KDM1B: variants seen among roughly 807,000 people sequenced by gnomAD.
KDM1B encodes the protein lysine demethylase 1B.
Under a neutral mutation model 107.4 loss-of-function variants are expected in KDM1B, and 63 were observed. The observed-to-expected ratio is 0.59, with a 90% CI of 0.48 to 0.72. The LOEUF is 0.72. Ranked by LOEUF, KDM1B falls within the 30% of genes least tolerant of loss-of-function variation. The pLI, the probability that KDM1B is intolerant of heterozygous loss-of-function variation, is 0.00. For synonymous variants in KDM1B, 363 were observed against 363.9 expected (o/e 1.00, Z 0.03); for missense variants, 749 against 1,020.8 (o/e 0.73, Z 3.63).
chr6:18,174,657 T>G (rs1383961733), intron 7 of KDM1B, among the ~76,000 whole-genome samples: 1 of 151,092 alleles, frequency 6.6e-6, no homozygotes, highest in Non-Finnish European at 1.5e-5. Context: ...GTGTCATTCA[T>G]ATGCCTTTGT....
chr6:18,158,381 A>G (rs1303819327), intron 2 of KDM1B, among the ~76,000 whole-genome samples: 2 of 150,680 alleles, frequency 1.3e-5, no homozygotes, highest in East Asian at 3.9e-4. Context: ...TGATGTTAGG[A>G]TGTGTCAAAG....
intron 5 of KDM1B, among the ~76,000 whole-genome samples, chr6:18,163,829 A>G (rs1000479805): frequency 7.2e-5 from 11 of 152,250 alleles, no homozygotes; most frequent in African/African-American, 2.4e-4. Flanking sequence ...AGTTTGCTTT[A>G]TGGCCCGTAA....
chr6:18,221,770 C>A (rs908570170), intron 21 of KDM1B, 139 bp from the exon 22 acceptor site: 2 of 679,876 alleles, frequency 2.9e-6, no homozygotes, highest in African/African-American at 3.6e-5. Flanking sequence ...TCCAGTGTTA[C>A]GATGGGTGAG....
intron 7 of KDM1B, among the ~76,000 whole-genome samples, chr6:18,179,836 ATTG>A (rs1786311149): frequency 1.2e-5 from 1 of 83,518 alleles, no homozygotes; most frequent in African/African-American, 4.9e-5. Context: ...TCAATTTAGC[ATTG>A]GTTTTTTTTC....
Position 18,213,842 on chromosome 6 carries a change from T to G in KDM1B, c.2109+61T>G. 3.8e-6 allele frequency: 6 copies of G among 1,577,474 alleles called. No individual in the cohort carries two copies. The highest frequency in any genetic ancestry group is 5.2e-6 in the Non-Finnish European group (6 of 1,147,820). On this transcript the variant is annotated intron_variant, in intron 19 of 21. Transcript: ENST00000650836. The surrounding 1 kb of genome is among the most constrained non-coding windows in gnomAD (Gnocchi z 5.9). ...TCTTAAAGTTTAGAATTTGATGTGATAATTACTCACCTATCAAGCTCAGGA... is the reference window on the plus strand; with the variant it reads ...TCTTAAAGTTTAGAATTTGATGTGAGAATTACTCACCTATCAAGCTCAGGA...
At position 18,214,295 on chromosome 6, in the gene KDM1B, C is replaced by T. The variant is rs776971220; in HGVS notation, c.2109+514C>T. ...AAGAATCATGGCTGTTTCTGACTTT[C>T]AGTTTCAAGAAACTTTGTCTTAAAA... On this transcript the variant is annotated intron_variant, in intron 19 of 21. Coordinates refer to ENST00000650836, the MANE Select transcript of KDM1B (RefSeq NM_001364614.2). This position sits in a 1 kb window ranked among gnomAD's most constrained non-coding sequence, Gnocchi z 4.4. Among the ~76,000 whole-genome samples, 2 of 152,204 alleles carry T rather than the reference C, an allele frequency of 1.3e-5. No individual in the cohort carries two copies. Among genetic ancestry groups the T allele is most frequent in the African/African-American group, 4.8e-5 (2 of 41,456 alleles).
chr6:18,208,599 G>GTGTGTGTGTATATATATATA (rs1561949321), intron 17 of KDM1B, among the ~76,000 whole-genome samples: 1 of 40,690 alleles, frequency 2.5e-5, no homozygotes, highest in Non-Finnish European at 4.2e-5. Flanking sequence ...AGAAGTATGT[G>GTGTGTGTGTATATATATATA]TATGTATATA....
rs149770567 is a variant in KDM1B at position 18,177,232 on chromosome 6, G to C, written c.534+5753G>C. Among the ~76,000 whole-genome samples the C allele has an allele frequency of 6.2e-3, 943 of 152,210 alleles. 7 individuals are homozygous for C. Among genetic ancestry groups the C allele is most frequent in the African/African-American group, 0.022 (914 of 41,546 alleles). On this transcript the variant is annotated intron_variant, in intron 7 of 21. Transcript: ENST00000650836. ...TCCAGGAATTTGTCCATGTCTTCTA[G>C]GTTTTCTAGATTATGTGCGTAAAAG...
Position 18,172,953 on chromosome 6 carries a change from G to C in KDM1B, c.534+1474G>C, listed in dbSNP as rs919135018. Among the ~76,000 whole-genome samples, 1 of 151,976 alleles carries C rather than the reference G, an allele frequency of 6.6e-6. No individual in the cohort carries two copies. Among genetic ancestry groups the C allele is most frequent in the African/African-American group, 2.4e-5 (1 of 41,362 alleles). On this transcript the variant is annotated intron_variant, in intron 7 of 21. Coordinates refer to ENST00000650836, the MANE Select transcript of KDM1B (RefSeq NM_001364614.2). This position sits in a 1 kb window ranked among gnomAD's most constrained non-coding sequence, Gnocchi z 5.2. ...AAAAATATAAAAATTAGCCCAGTGT[G>C]GTGGCATGTGCTTGTAATCTCAGCT...
intron 6 of KDM1B, among the ~76,000 whole-genome samples, chr6:18,170,620 A>G (rs1337609707): frequency 6.6e-6 from 1 of 151,616 alleles, no homozygotes; most frequent in Non-Finnish European, 1.5e-5. Flanking sequence ...AGCTGGGACT[A>G]CAGGCATGCA....
chr6:18,213,786 AATC>A lies in KDM1B; in HGVS notation c.2109+8_2109+10del. Reference sequence around the variant, plus strand: ...TTCTATGACATGGATCCCCAGGTAAAATCATTCGTGAACTGTGGTTTGAATTTC... The same window carrying A: ...TTCTATGACATGGATCCCCAGGTAAAATTCGTGAACTGTGGTTTGAATTTC... On this transcript the variant is annotated splice_donor_region_variant and intron_variant, in intron 19 of 21. Coordinates refer to ENST00000650836, the MANE Select transcript of KDM1B (RefSeq NM_001364614.2). The surrounding 1 kb of genome is among the most constrained non-coding windows in gnomAD (Gnocchi z 5.9). 1 of 1,614,074 alleles carries A rather than the reference AATC, an allele frequency of 6.2e-7. No individual in the cohort carries two copies. Among genetic ancestry groups the A allele is most frequent in the Non-Finnish European group, 8.5e-7 (1 of 1,179,958 alleles).
rs759652209 is a variant in KDM1B, at chr6:18,187,814, A to G, written c.596A>G (p.His199Arg). 3.2e-6 allele frequency: 5 copies of G among 1,550,274 alleles called. No homozygotes were observed. Among genetic ancestry groups the G allele is most frequent in the African/African-American group, 1.4e-5 (1 of 73,132 alleles). Residue 199 changes from histidine to arginine, a missense_variant, in exon 9 of 22, where the codon CAT becomes CGT. His to Arg is a conservative substitution (Grantham distance 29, BLOSUM62 0). Transcript: ENST00000650836. ...CAGAGAGTATTGGAAGTTTCCAACC[A>G]TTGGTGGTACTCTATGCTCATCCTA... ...EDLRVLEVSN[H>R]WWYSMLILPP...
At chr6:18,160,050 A>G in intron 3 of KDM1B, 68 bp downstream of exon 3, 2 of 1,054,202 alleles carry the variant, frequency 1.9e-6, no homozygotes, top group Non-Finnish European at 2.8e-6. Context: ...GGACTGGAGA[A>G]TTAGAGTTGA....
In KDM1B at chr6:18,222,047, A is replaced by T; in HGVS notation, c.*55A>T. Reference sequence around the variant, plus strand: ...CCCCAGATGGGGAAATTTGAATCACATGTTAAACCTCAGTTTTATAAGAGG... The same window carrying T: ...CCCCAGATGGGGAAATTTGAATCACTTGTTAAACCTCAGTTTTATAAGAGG... On this transcript the variant is annotated 3_prime_UTR_variant, in exon 22 of 22. Coordinates refer to ENST00000650836, the MANE Select transcript of KDM1B (RefSeq NM_001364614.2). The T allele has an allele frequency of 6.8e-7, 1 of 1,473,826 alleles. No individual in the cohort carries two copies. Among genetic ancestry groups the T allele is most frequent in the South Asian group, 1.1e-5 (1 of 88,236 alleles). The allele number at this position is 1,473,826 out of a possible 1,614,324, so 91.3% of individuals were successfully genotyped here.
chr6:18,206,587 T>C (rs1409523405), intron 15 of KDM1B, among the ~76,000 whole-genome samples: 1 of 152,074 alleles, frequency 6.6e-6, no homozygotes, highest in African/African-American at 2.4e-5. Flanking sequence ...CAGGGTCTCT[T>C]ATGTTTTTCT....
chr6:18,161,387 T>C lies in KDM1B; in HGVS notation c.148T>C (p.Tyr50His). The change falls in exon 4 of 22, where the codon TAC becomes CAC. Residue 50 changes from tyrosine to histidine, a missense_variant. Transcript: ENST00000650836. The stretch of plus-strand genomic sequence containing the variant: ...TGAAGATGGTGGCTCAGAGAAGAAG[T>C]ACAGGAAATGTGAAAAGGCAGGCTG... ...EDEDGGSEKK[Y>H]RKCEKAGCTA... 6.2e-7 allele frequency: 1 copy of C among 1,613,976 alleles called. No individual in the cohort carries two copies. Among genetic ancestry groups the C allele is most frequent in the Non-Finnish European group, 8.5e-7 (1 of 1,179,920 alleles).
chr6:18,175,420 C>G lies in KDM1B; in HGVS notation c.534+3941C>G, dbSNP rs143410360. On this transcript the variant is annotated intron_variant, in intron 7 of 21. Coordinates refer to ENST00000650836, the MANE Select transcript of KDM1B (RefSeq NM_001364614.2). ...ATGTATAGGTTGTGAAGATTTTCTC[C>G]CACTCTCTGGGTTGTCTGTTTACTC... Among the ~76,000 whole-genome samples, 687 of 152,208 alleles carry G rather than the reference C, an allele frequency of 4.5e-3. 2 individuals carry two copies. The highest frequency in any genetic ancestry group is 7.8e-3 in the Non-Finnish European group (531 of 68,006).
At position 18,187,785 on chromosome 6, in the gene KDM1B, A is replaced by G. The variant is rs1483396956; in HGVS notation, c.574-7A>G. On this transcript the variant is annotated splice_region_variant and splice_polypyrimidine_tract_variant and intron_variant, in intron 8 of 21. Transcript: ENST00000650836. ...TGTCTCTCTTCTTCCTGTCTGGCCC[A>G]TTGCAGAGAGTATTGGAAGTTTCCA... 2.6e-6 allele frequency: 4 copies of G among 1,535,782 alleles called. No homozygotes were observed. The African/African-American group carries it at 5.5e-5, about 21-fold the overall frequency.
At chr6:18,190,743 T>C (rs114602977) in intron 9 of KDM1B, among the ~76,000 whole-genome samples, 2,085 of 151,226 alleles carry the variant, frequency 0.014, 45 homozygotes, top group African/African-American at 0.048. Flanking sequence ...CTACTAAAAA[T>C]AGAAAAATTA....
Sources: allele counts gnomAD v4.1 joint callset (sites outside exome capture counted in the v4.1 genomes callset), GRCh38; gene constraint gnomAD v4.1.1; non-coding constraint Gnocchi (gnomAD v3.1); transcripts MANE v1.5; gene names NCBI Gene and HGNC (gene_info 2026-07-23, HGNC 2026-07-21).